RBFOX1: variants seen among roughly 807,000 people sequenced by gnomAD.
RBFOX1 encodes the protein RNA binding fox-1 homolog 1.
Under a neutral mutation model 57.7 loss-of-function variants are expected in RBFOX1, and 8 were observed. The ratio of observed to expected loss-of-function variants is 0.14; its 90% CI spans 0.08 to 0.25. RBFOX1 has a LOEUF of 0.25. RBFOX1 is among the 10% of genes least tolerant of loss of function. The pLI is 1.00. For synonymous variants in RBFOX1, 326 were observed against 222.4 expected (o/e 1.47, Z -4.15); for missense variants, 611 against 548.5 (o/e 1.11, Z -1.14).
rs2043319091 is a variant in RBFOX1 at position 5,504,679 on chromosome 16, G to A, written c.258+37425G>A. Among the ~76,000 whole-genome samples, 3 of 152,228 alleles carry A rather than the reference G, an allele frequency of 2.0e-5. No homozygotes were observed. In the South Asian group the frequency reaches 6.2e-4, roughly 32 times the overall value. On this transcript the variant is annotated intron_variant, in intron 2 of 2. Coordinates refer to the RBFOX1 transcript ENST00000585867. Reference sequence around the variant, plus strand: ...TCTACCATTTGCTGAGCATTTGCTAGACACCAGACACTGCCATAGGCATTA... The same window carrying A: ...TCTACCATTTGCTGAGCATTTGCTAAACACCAGACACTGCCATAGGCATTA...
At chr16:7,552,433 C>T (rs1039566680) in intron 5 of RBFOX1, among the ~76,000 whole-genome samples, 11 of 152,114 alleles carry the variant, frequency 7.2e-5, no homozygotes. Context: ...GAAGCCTTTT[C>T]TTTAGCAGCA....
intron 7 of RBFOX1, among the ~76,000 whole-genome samples, chr16:7,589,205 T>A (rs1468099524): frequency 6.6e-6 from 1 of 152,238 alleles, no homozygotes; most frequent in Non-Finnish European, 1.5e-5. Flanking sequence ...ACCCTAGGTC[T>A]GTCTATAGCA....
At chr16:7,340,887 C>A (rs1174436292) in intron 4 of RBFOX1, among the ~76,000 whole-genome samples, 1 of 152,160 alleles carries the variant, frequency 6.6e-6, no homozygotes, top group East Asian at 1.9e-4. Flanking sequence ...AGCCATCTGT[C>A]ATTTTGATCA....
intron 1 of RBFOX1, among the ~76,000 whole-genome samples, chr16:6,219,768 C>G (rs2097359875): frequency 6.6e-6 from 1 of 152,034 alleles, no homozygotes; most frequent in Non-Finnish European, 1.5e-5. Flanking sequence ...CCCAGCTACT[C>G]AGGAGGCTGA....
At chr16:7,495,842 A>G (rs1234890386) in intron 4 of RBFOX1, among the ~76,000 whole-genome samples, 2 of 152,210 alleles carry the variant, frequency 1.3e-5, no homozygotes, top group Non-Finnish European at 2.9e-5. Context: ...CTGTTCCCCA[A>G]AAACCAATTG....
rs74009246 is a variant in RBFOX1 at position 7,141,303 on chromosome 16, A to G, written c.27+89205A>G. On this transcript the variant is annotated intron_variant, in intron 4 of 15. Transcript: ENST00000550418. The stretch of plus-strand genomic sequence containing the variant: ...CACACCCAATATTTATTCATTATTC[A>G]CCCACGGAATACCAGACACAGTGCT... 7.9e-3 allele frequency among the ~76,000 whole-genome samples: 1,206 copies of G among 152,270 alleles called. 18 individuals carry two copies. Among genetic ancestry groups the G allele is most frequent in the African/African-American group, 0.027 (1,136 of 41,542 alleles).
chr16:7,259,970 C>G (rs1350579084), intron 4 of RBFOX1, among the ~76,000 whole-genome samples: 10 of 152,158 alleles, frequency 6.6e-5, no homozygotes, highest in Admixed American at 2.6e-4. Context: ...TTAGTAATTT[C>G]AGGCTCAAGT....
chr16:6,371,101 A>G lies in RBFOX1; in HGVS notation c.-64+54044A>G, dbSNP rs552356159. Among the ~76,000 whole-genome samples, 9 of 152,314 alleles carry G rather than the reference A, an allele frequency of 5.9e-5. No individual in the cohort carries two copies. In the South Asian group the frequency reaches 1.9e-3, roughly 32 times the overall value. On this transcript the variant is annotated intron_variant, in intron 2 of 15. Transcript: ENST00000550418. ...TAGTTTGTCTATTATTGGTGATATTAACATCAGTCCTTTGGATCATATGAT... is the reference window on the plus strand; with the variant it reads ...TAGTTTGTCTATTATTGGTGATATTGACATCAGTCCTTTGGATCATATGAT...
intron 2 of RBFOX1, among the ~76,000 whole-genome samples, chr16:6,573,027 T>A (rs181712987): frequency 6.6e-6 from 1 of 152,152 alleles, no homozygotes; most frequent in African/African-American, 2.4e-5. Context: ...AGAGATCAAG[T>A]CAACACTCAA....
chr16:6,751,867 T>G (rs2074989918), intron 3 of RBFOX1, among the ~76,000 whole-genome samples: 1 of 152,186 alleles, frequency 6.6e-6, no homozygotes, highest in Non-Finnish European at 1.5e-5. Context: ...CATAATTGAA[T>G]TTTAGATGGA....
At chr16:7,504,329 A>T (rs2072034094) in intron 4 of RBFOX1, among the ~76,000 whole-genome samples, 1 of 152,064 alleles carries the variant, frequency 6.6e-6, no homozygotes, top group Non-Finnish European at 1.5e-5. Flanking sequence ...GTTATTATCA[A>T]GAATGTTATA....
intron 3 of RBFOX1, among the ~76,000 whole-genome samples, chr16:6,816,364 C>G (rs1392106163): frequency 6.6e-6 from 1 of 151,944 alleles, no homozygotes; most frequent in African/African-American, 2.4e-5. Flanking sequence ...GTTGAAAAAG[C>G]CTTTTAGATG....
chr16:7,059,943 C>T (rs2053730288), intron 4 of RBFOX1, among the ~76,000 whole-genome samples: 1 of 152,200 alleles, frequency 6.6e-6, no homozygotes, highest in African/African-American at 2.4e-5. Context: ...TATGAAAACA[C>T]GATTCAAAAA....
chr16:7,617,900 C>T (rs2058714710), intron 10 of RBFOX1, among the ~76,000 whole-genome samples: 2 of 152,108 alleles, frequency 1.3e-5, no homozygotes, highest in South Asian at 4.2e-4. Flanking sequence ...TAAGAGTTCA[C>T]CTGGTAAGAA....
chr16:5,270,970 C>G (rs1746425391), intron 1 of RBFOX1: 1 of 347,156 alleles, frequency 2.9e-6, no homozygotes, highest in Non-Finnish European at 5.4e-6. Context: ...AGACTTATAA[C>G]AGTGGCAAAT....
intron 2 of RBFOX1, among the ~76,000 whole-genome samples, chr16:6,550,821 T>G (rs1425078728): frequency 1.3e-5 from 2 of 152,240 alleles, no homozygotes; most frequent in African/African-American, 4.8e-5. Context: ...GCTTCGGCAC[T>G]TCACATTGAT....
chr16:5,719,094 C>G (rs1015390620), intron 3 of RBFOX1, among the ~76,000 whole-genome samples: 1 of 152,018 alleles, frequency 6.6e-6, no homozygotes, highest in African/African-American at 2.4e-5. Context: ...TGAAGATGAC[C>G]TCAAGTAATA....
chr16:7,589,431 T>C (rs1489848607), intron 7 of RBFOX1, among the ~76,000 whole-genome samples: 7 of 152,136 alleles, frequency 4.6e-5, no homozygotes. Flanking sequence ...AGCCTGTCTC[T>C]GGGGGCTTCA....
rs956683300 is a variant in RBFOX1, at chr16:5,434,990, C to T, written c.220-32226C>T. On this transcript the variant is annotated intron_variant, in intron 1 of 2. Transcript: ENST00000585867. ...TCACATTATCAAGGTTTACAATATT[C>T]CCATTTTCTCCTGTGACTGTCCTTG... 4.6e-5 allele frequency among the ~76,000 whole-genome samples: 7 copies of T among 152,190 alleles called. No individual in the cohort carries two copies. The East Asian group carries it at 1.3e-3, about 29-fold the overall frequency.
Sources: gnomAD v4.1 joint callset for allele counts (sites outside exome capture counted in the v4.1 genomes callset) on GRCh38, gnomAD v4.1.1 for gene constraint, MANE v1.5 for transcripts, NCBI Gene and HGNC (gene_info 2026-07-23, HGNC 2026-07-21) for gene names.